Variants in KIAA1217 observed in about 807,000 individuals in gnomAD.
The protein encoded by KIAA1217 is KIAA1217.
Under a neutral mutation model 163.9 loss-of-function variants are expected in KIAA1217, and 88 were observed. The ratio of observed to expected loss-of-function variants is 0.54; its 90% CI spans 0.45 to 0.64. KIAA1217 has a LOEUF of 0.64. KIAA1217 is among the 30% of genes least tolerant of loss of function. The probability of loss-of-function intolerance (pLI) is 0.00; values close to 1 mark genes in which losing one functional copy is unlikely to be tolerated. For missense variants in KIAA1217, 2,372 were observed against 2,475.0 expected, an observed-to-expected ratio of 0.96 and a Z score of 0.88; for synonymous variants, 903 against 923.1, an observed-to-expected ratio of 0.98 and a Z score of 0.39.
Position 24,520,205 on chromosome 10 carries a change from G to C in KIAA1217, c.2260G>C (p.Gly754Arg), listed in dbSNP as rs750601825. The change falls in exon 11 of 21, where the codon GGG becomes CGG. Residue 754 changes from glycine (G) to arginine (R), a missense_variant. Around this residue, in one of 3 missense-constraint regions of KIAA1217, gnomAD observed 1,431 missense variants for 1,470.3 expected, o/e 0.97. Transcript: ENST00000376454. ...GGTTACTCTGAAAGACGTGGAAGAC[G>C]GGGCTTTCCTCCTGCGTCAAGTGGG... ...RLVTLKDVED[G>R]AFLLRQVGEA... 11 of 1,614,136 alleles carry C rather than the reference G, an allele frequency of 6.8e-6. No individual in the cohort carries two copies. In the South Asian group the frequency reaches 1.1e-4, roughly 16 times the overall value.
intron 2 of KIAA1217, among the ~76,000 whole-genome samples, chr10:24,174,248 T>C (rs1160574939): frequency 6.6e-6 from 1 of 152,252 alleles, no homozygotes; most frequent in Non-Finnish European, 1.5e-5. Flanking sequence ...ATGCAGGCCC[T>C]TCTATGTCTG....
In KIAA1217 at chr10:24,111,648, G is replaced by A. The variant is rs1424376070; in HGVS notation, c.-171+104274G>A. ...TGACCTTTTTCTCCTCTGCATAAAC[G>A]CTTGTCCGTTGCTGATGGTTCTGTG... On this transcript the variant is annotated intron_variant, in intron 2 of 18. Coordinates refer to the KIAA1217 transcript ENST00000376462. Among the ~76,000 whole-genome samples the A allele has an allele frequency of 5.3e-5, 8 of 152,072 alleles. No homozygotes were observed. The East Asian group carries it at 9.6e-4, about 18-fold the overall frequency.
chr10:24,239,435 T>A, intron 2 of KIAA1217: 1 of 357,634 alleles, frequency 2.8e-6, no homozygotes, highest in Non-Finnish European at 3.9e-6. Flanking sequence ...CAGGAAGAAG[T>A]GAATCAATAA....
At chr10:24,104,532 T>G (rs1186610688) in intron 2 of KIAA1217, among the ~76,000 whole-genome samples, 1 of 152,120 alleles carries the variant, frequency 6.6e-6, no homozygotes, top group Non-Finnish European at 1.5e-5. Flanking sequence ...GATGAATAGG[T>G]GGAGCACAGA....
chr10:24,311,542 G>GA (rs2042696580), intron 2 of KIAA1217, among the ~76,000 whole-genome samples: 1 of 152,190 alleles, frequency 6.6e-6, no homozygotes, highest in Non-Finnish European at 1.5e-5. Flanking sequence ...CTATGTAAGT[G>GA]AATCAATGAT....
At chr10:24,520,675 T>TATATATAC (rs1411092462) in intron 11 of KIAA1217, among the ~76,000 whole-genome samples, 18 of 77,460 alleles carry the variant, frequency 2.3e-4, no homozygotes, top group Non-Finnish European at 3.8e-4. Context: ...TATATATATA[T>TATATATAC]ACACACACAC....
At chr10:23,977,108 T>G (rs1477381624) in intron 1 of KIAA1217, among the ~76,000 whole-genome samples, 1 of 152,184 alleles carries the variant, frequency 6.6e-6, no homozygotes, top group Non-Finnish European at 1.5e-5. Context: ...TAAAAAAATG[T>G]TATCTCTAGA....
intron 1 of KIAA1217, among the ~76,000 whole-genome samples, chr10:23,830,380 T>C (rs1588903729): frequency 6.6e-6 from 1 of 152,186 alleles, no homozygotes; most frequent in Admixed American, 6.6e-5. Flanking sequence ...GTAATCAAAA[T>C]GACACAATCT....
intron 14 of KIAA1217, among the ~76,000 whole-genome samples, chr10:24,528,478 C>T (rs1196653169): frequency 6.6e-6 from 1 of 151,686 alleles, no homozygotes; most frequent in Admixed American, 6.6e-5. Context: ...ATGTGTACAC[C>T]ACTGCACATG....
chr10:24,072,758 C>G (rs530725784), intron 2 of KIAA1217, among the ~76,000 whole-genome samples: 1 of 152,264 alleles, frequency 6.6e-6, no homozygotes, highest in Non-Finnish European at 1.5e-5. Flanking sequence ...TAAATTTACA[C>G]TATCAAGGTA....
chr10:24,352,583 A>G (rs1178904506), intron 2 of KIAA1217, among the ~76,000 whole-genome samples: 1 of 152,154 alleles, frequency 6.6e-6, no homozygotes, highest in Admixed American at 6.6e-5. Context: ...AGAACAATGC[A>G]GTCAAGGTTA....
chr10:23,722,969 A>G (rs1837948513), intron 1 of KIAA1217, among the ~76,000 whole-genome samples: 1 of 152,092 alleles, frequency 6.6e-6, no homozygotes, highest in Non-Finnish European at 1.5e-5. Context: ...TCACTCTCAG[A>G]TTGGTGGCAA....
At chr10:24,394,706 G>GC (rs2055475014) in intron 3 of KIAA1217, among the ~76,000 whole-genome samples, 1 of 152,046 alleles carries the variant, frequency 6.6e-6, no homozygotes, top group African/African-American at 2.4e-5. Flanking sequence ...CAGCAGTCTC[G>GC]CCCAGCACCT....
chr10:24,185,612 T>C, intron 2 of KIAA1217, among the ~76,000 whole-genome samples: 1 of 152,010 alleles, frequency 6.6e-6, no homozygotes, highest in Non-Finnish European at 1.5e-5. Flanking sequence ...CTGGCCAACA[T>C]GGTGAAGACC....
At chr10:24,420,412 G>T (rs1392039238) in intron 3 of KIAA1217, among the ~76,000 whole-genome samples, 1 of 151,716 alleles carries the variant, frequency 6.6e-6, no homozygotes, top group Non-Finnish European at 1.5e-5. Flanking sequence ...TATTCTGAAT[G>T]CAAATCCTTG....
rs190041891 is a variant in KIAA1217, at chr10:23,716,978, A to T, written c.-321+21744A>T. Among the ~76,000 whole-genome samples, 151 of 152,240 alleles carry T rather than the reference A, an allele frequency of 9.9e-4. 1 individual carries two copies. The highest frequency in any genetic ancestry group is 1.6e-3 in the Non-Finnish European group (106 of 68,004). ...TACTTGTCACTCTCCCATGCCTGTC[A>T]TAGTCTATATTTATATTTCACTTAT... On this transcript the variant is annotated intron_variant, in intron 1 of 18. Transcript: ENST00000376462.
chr10:24,020,803 G>A (rs1406633877), intron 2 of KIAA1217, among the ~76,000 whole-genome samples: 1 of 151,564 alleles, frequency 6.6e-6, no homozygotes, highest in East Asian at 1.9e-4. Context: ...AAGCAGAGGA[G>A]ACAGACTCTA....
chr10:24,077,689 G>T (rs1201925607), intron 2 of KIAA1217, among the ~76,000 whole-genome samples: 1 of 152,214 alleles, frequency 6.6e-6, no homozygotes, highest in Non-Finnish European at 1.5e-5. Flanking sequence ...TCCTCTGGAT[G>T]TATAACTGGT....
Position 24,189,159 on chromosome 10 carries a change from T to C in KIAA1217, c.-170-30467T>C, listed in dbSNP as rs190123160. ...AGCTTCATATTCCTCACCTGGAATCTGGGGATGATGATAGTACCAGCCTTA... is the reference window on the plus strand; with the variant it reads ...AGCTTCATATTCCTCACCTGGAATCCGGGGATGATGATAGTACCAGCCTTA... On this transcript the variant is annotated intron_variant, in intron 2 of 18. Transcript: ENST00000376462. 9.3e-5 allele frequency among the ~76,000 whole-genome samples: 14 copies of C among 151,350 alleles called. No homozygotes were observed. In the East Asian group the frequency reaches 2.3e-3, roughly 25 times the overall value.
Sources: gnomAD v4.1 joint callset for allele counts (sites outside exome capture counted in the v4.1 genomes callset) on GRCh38, gnomAD v4.1.1 for gene constraint, gnomAD v4.1.1 regional missense constraint, MANE v1.5 for transcripts, NCBI Gene and HGNC (gene_info 2026-07-23, HGNC 2026-07-21) for gene names.